Variants in RELL1 observed in about 807,000 individuals in gnomAD.
RELL1 encodes RELT like 1, also known as RELT-like protein 1.
RELL1 carries 10 observed loss-of-function variants against 23.0 expected under a neutral mutation model. The observed-to-expected ratio is 0.43, with a 90% CI of 0.27 to 0.74. RELL1 has a LOEUF of 0.74. Ranked by LOEUF, RELL1 falls within the 30% of genes least tolerant of loss-of-function variation. The pLI is 0.19. For synonymous variants in RELL1, 146 were observed against 146.8 expected (o/e 0.99, Z 0.04); for missense variants, 315 against 364.4 (o/e 0.86, Z 1.10).
At chr4:37,620,785 A>G (rs1454624369) in intron 6 of RELL1, among the ~76,000 whole-genome samples, 1 of 152,222 alleles carries the variant, frequency 6.6e-6, no homozygotes, top group Non-Finnish European at 1.5e-5. Flanking sequence ...CTTCAAGAGA[A>G]TCAAGAAATA....
At chr4:37,663,678 G>A (rs1178520692) in intron 1 of RELL1, among the ~76,000 whole-genome samples, 2 of 152,160 alleles carry the variant, frequency 1.3e-5, no homozygotes, top group African/African-American at 2.4e-5. Context: ...AACAAGCCTC[G>A]GTGTGTAGGA....
chr4:37,635,312 A>G (rs1219278720), intron 4 of RELL1, among the ~76,000 whole-genome samples, 189 bp from the exon 5 acceptor site: 1 of 152,204 alleles, frequency 6.6e-6, no homozygotes, highest in African/African-American at 2.4e-5. Flanking sequence ...ATGCGATGAC[A>G]GTTTATCTTA....
At chr4:37,620,065 A>C in intron 6 of RELL1, among the ~76,000 whole-genome samples, 1 of 152,206 alleles carries the variant, frequency 6.6e-6, no homozygotes, top group East Asian at 1.9e-4. Flanking sequence ...TAAAACCTTA[A>C]TTTTTTAATA....
At chr4:37,644,438 T>TTTTTTTTA (rs1553874289) in intron 3 of RELL1, among the ~76,000 whole-genome samples, 4 of 137,810 alleles carry the variant, frequency 2.9e-5, no homozygotes, top group Admixed American at 7.4e-5. Context: ...TTATTTTTAT[T>TTTTTTTTA]TTTATTTATT....
At chr4:37,630,441 T>C (rs1720090735) in intron 6 of RELL1, among the ~76,000 whole-genome samples, 1 of 137,568 alleles carries the variant, frequency 7.3e-6, no homozygotes, top group Non-Finnish European at 1.5e-5. Flanking sequence ...CTCGGCTCAC[T>C]GCAAGCTCCG....
Position 37,627,061 on chromosome 4 carries a change from A to ATGCATACG in RELL1, c.*3+4316_*3+4323dup, listed in dbSNP as rs200781691. On this transcript the variant is annotated intron_variant, in intron 6 of 6. Coordinates refer to ENST00000454158, the MANE Select transcript of RELL1 (RefSeq NM_001085400.2). ...AAAAAAATTATAAGTATGTGTGGCAATGCATACGTTCATTAGCTCAATTTA... is the reference window on the plus strand; with the variant it reads ...AAAAAAATTATAAGTATGTGTGGCAATGCATACGTGCATACGTTCATTAGCTCAATTTA... 7.2e-5 allele frequency among the ~76,000 whole-genome samples: 11 copies of ATGCATACG among 152,356 alleles called. No individual in the cohort carries two copies. The East Asian group carries it at 2.1e-3, about 29-fold the overall frequency.
rs1429898196 is a variant in RELL1, at chr4:37,612,362, G to A, written c.*984C>T. 3.3e-5 allele frequency among the ~76,000 whole-genome samples: 5 copies of A among 150,204 alleles called. No homozygotes were observed. Among genetic ancestry groups the A allele is most frequent in the African/African-American group, 9.8e-5 (4 of 40,790 alleles). ...AACAAAAAAAAACAAAAAACCGGGT[G>A]CAGTGGCCCACGCCTATATTCCCAG... On this transcript the variant is annotated 3_prime_UTR_variant, in exon 7 of 7. Transcript: ENST00000454158.
chr4:37,620,006 C>T (rs761355434), intron 6 of RELL1, among the ~76,000 whole-genome samples: 86 of 152,154 alleles, frequency 5.7e-4, no homozygotes, highest in Non-Finnish European at 1.0e-3. Context: ...ACTACATCTT[C>T]CATGAGTTGC....
chr4:37,638,659 C>T (rs1464121148), intron 3 of RELL1, among the ~76,000 whole-genome samples, 155 bp from the exon 4 acceptor site: 1 of 152,212 alleles, frequency 6.6e-6, no homozygotes, highest in Non-Finnish European at 1.5e-5. Flanking sequence ...CCCAACATAA[C>T]TGCATAACAT....
At chr4:37,677,511 A>G (rs1211078779) in intron 1 of RELL1, among the ~76,000 whole-genome samples, 1 of 152,246 alleles carries the variant, frequency 6.6e-6, no homozygotes, top group Non-Finnish European at 1.5e-5. Flanking sequence ...AAAGCATGTC[A>G]TCATCAAATC....
intron 1 of RELL1, among the ~76,000 whole-genome samples, chr4:37,683,954 G>T (rs905567147): frequency 2.6e-5 from 4 of 151,896 alleles, no homozygotes; most frequent in Non-Finnish European, 4.4e-5. Context: ...GGTGGCGGGC[G>T]CCTGTAGTCC....
At chr4:37,590,284 T>C, downstream of RELL1, 1 of 1,614,112 alleles carries the variant, frequency 6.2e-7, no homozygotes, top group Admixed American at 1.7e-5. Flanking sequence ...ATGGGAGCCC[T>C]GCTGGCCTCA....
intron 1 of RELL1, among the ~76,000 whole-genome samples, chr4:37,665,899 A>T (rs1306948467): frequency 6.6e-6 from 1 of 152,158 alleles, no homozygotes; most frequent in Non-Finnish European, 1.5e-5. Context: ...GCAGAATAGG[A>T]CATAAACTAA....
chr4:37,620,819 T>G (rs962061755), intron 6 of RELL1, among the ~76,000 whole-genome samples: 1 of 152,182 alleles, frequency 6.6e-6, no homozygotes, highest in Non-Finnish European at 1.5e-5. Context: ...TTTTAACACT[T>G]TTATTGGCTA....
rs1298255181 is a variant in RELL1 at position 37,669,170 on chromosome 4, C to A, written c.88+17030G>T. ...CCTCTGCCCGGCCAGCCGCCCCGTC[C>A]GGGAGGGAGGTGGGGGGGGGGGTCA... On this transcript the variant is annotated intron_variant, in intron 1 of 6. Transcript: ENST00000454158. Among the ~76,000 whole-genome samples the A allele has an allele frequency of 2.2e-4, 12 of 55,018 alleles. No individual in the cohort carries two copies. The East Asian group carries it at 6.0e-3, about 28-fold the overall frequency. The allele number at this position is 55,018 out of a possible 152,430, so 36.1% of individuals were successfully genotyped here.
intron 6 of RELL1, among the ~76,000 whole-genome samples, chr4:37,629,950 CG>C: frequency 6.6e-6 from 1 of 152,178 alleles, no homozygotes; most frequent in East Asian, 1.9e-4. Context: ...ATCTCACTCC[CG>C]CCCCTGAGGC....
rs978165271 is a variant in RELL1 at position 37,612,636 on chromosome 4, C to CAAA, written c.*707_*709dup. Among the ~76,000 whole-genome samples the CAAA allele has an allele frequency of 1.4e-3, 82 of 60,116 alleles. No homozygotes were observed. The East Asian group carries it at 0.034, about 25-fold the overall frequency. The allele number at this position is 60,116 out of a possible 152,430, so 39.4% of individuals were successfully genotyped here. ...TAGGGGACACAGCGAGACTCTGCCT[C>CAAA]AAAAAAAAAAAAAAAAAAACCTTCT... On this transcript the variant is annotated 3_prime_UTR_variant, in exon 7 of 7. Coordinates refer to ENST00000454158, the MANE Select transcript of RELL1 (RefSeq NM_001085400.2).
intron 1 of RELL1, among the ~76,000 whole-genome samples, chr4:37,679,146 T>C (rs545275106): frequency 6.6e-6 from 1 of 152,254 alleles, no homozygotes; most frequent in Admixed American, 6.5e-5. Flanking sequence ...AGAAAATCCC[T>C]TGGGTAGATT....
chr4:37,590,192 GC>G (rs1217919477), downstream of RELL1: 1 of 1,614,096 alleles, frequency 6.2e-7, no homozygotes, highest in Non-Finnish European at 8.5e-7. Context: ...GGCAAATGGA[GC>G]AGTGAAGTCT....
Sources: gnomAD v4.1 joint callset for allele counts (sites outside exome capture counted in the v4.1 genomes callset) on GRCh38, gnomAD v4.1.1 for gene constraint, MANE v1.5 for transcripts, NCBI Gene and HGNC (gene_info 2026-07-23, HGNC 2026-07-21) for gene names.